Variants in RGS7 observed in about 807,000 individuals in gnomAD.
RGS7 encodes regulator of G-protein signaling 7.
Under a neutral mutation model 81.1 loss-of-function variants are expected in RGS7, and 27 were observed. That is an observed-to-expected ratio of 0.33 (90% CI 0.25 to 0.46). RGS7 has a LOEUF of 0.46. RGS7 is among the 20% of genes least tolerant of loss of function. The pLI is 1.00. For synonymous variants in RGS7, 208 were observed against 207.7 expected (o/e 1.00, Z -0.01); for missense variants, 396 against 607.4 (o/e 0.65, Z 3.66).
At chr1:241,297,688 AACC>A (rs1186282453) in intron 2 of RGS7, among the ~76,000 whole-genome samples, 1 of 152,352 alleles carries the variant, frequency 6.6e-6, no homozygotes, top group African/African-American at 2.4e-5. Context: ...TTCTGTGCTG[AACC>A]ATAGGTAGCT....
chr1:240,781,873 G>T (rs2102969503), intron 18 of RGS7, among the ~76,000 whole-genome samples: 1 of 152,188 alleles, frequency 6.6e-6, no homozygotes, highest in African/African-American at 2.4e-5. Flanking sequence ...AAATTAGCTG[G>T]GCATGGTGGC....
chr1:241,244,873 C>T (rs1282095465), intron 2 of RGS7, among the ~76,000 whole-genome samples: 2 of 150,160 alleles, frequency 1.3e-5, no homozygotes, highest in Middle Eastern at 3.4e-3. Context: ...AACCAAGCAC[C>T]GCATGTTCTC....
intron 3 of RGS7, among the ~76,000 whole-genome samples, chr1:241,054,583 G>A (rs2061395406): frequency 6.6e-6 from 1 of 152,140 alleles, no homozygotes; most frequent in South Asian, 2.1e-4. Flanking sequence ...ACTTCCATAT[G>A]TAATAGGTAA....
At chr1:241,329,542 T>C (rs1388036967) in intron 2 of RGS7, among the ~76,000 whole-genome samples, 2 of 152,156 alleles carry the variant, frequency 1.3e-5, no homozygotes, top group Non-Finnish European at 2.9e-5. Flanking sequence ...AAAGAGTTCT[T>C]CTTGTGATAA....
intron 4 of RGS7, among the ~76,000 whole-genome samples, chr1:240,978,648 AG>A (rs1314897644): frequency 6.6e-6 from 1 of 152,166 alleles, no homozygotes; most frequent in Non-Finnish European, 1.5e-5. Context: ...ATAATAATCG[AG>A]ATGTAGAAAA....
At chr1:241,063,672 T>TA (rs2061868677) in intron 3 of RGS7, among the ~76,000 whole-genome samples, 3 of 152,216 alleles carry the variant, frequency 2.0e-5, no homozygotes, top group Admixed American at 6.5e-5. Context: ...AACAATTCCT[T>TA]ACAATTATAA....
intron 9 of RGS7, among the ~76,000 whole-genome samples, chr1:240,864,284 T>C (rs1331826419): frequency 2.0e-5 from 3 of 152,222 alleles, no homozygotes; most frequent in Non-Finnish European, 4.4e-5. Context: ...ATGTATCCCA[T>C]GATCCATGTT....
chr1:240,860,688 G>A (rs977738417), intron 9 of RGS7, among the ~76,000 whole-genome samples: 6 of 152,092 alleles, frequency 3.9e-5, no homozygotes, highest in Admixed American at 3.9e-4. Flanking sequence ...ATAGAAGAAA[G>A]ACAAGAGACC....
intron 3 of RGS7, among the ~76,000 whole-genome samples, chr1:241,077,957 T>C (rs2062897148): frequency 6.6e-6 from 1 of 152,026 alleles, no homozygotes; most frequent in Non-Finnish European, 1.5e-5. Flanking sequence ...CGTCACATGA[T>C]GCTGAATTAC....
At chr1:241,234,273 G>A (rs530998285) in intron 2 of RGS7, among the ~76,000 whole-genome samples, 5 of 152,140 alleles carry the variant, frequency 3.3e-5, no homozygotes, top group South Asian at 2.1e-4. Flanking sequence ...GTTGTTTATC[G>A]ATATCCATCT....
chr1:241,159,291 C>T (rs1411271961), intron 2 of RGS7, among the ~76,000 whole-genome samples: 3 of 152,144 alleles, frequency 2.0e-5, no homozygotes, highest in African/African-American at 7.2e-5. Context: ...CTGTATCTCA[C>T]CCACCTGTCT....
At chr1:240,782,855 T>A (rs1684364866) in intron 18 of RGS7, among the ~76,000 whole-genome samples, 1 of 152,368 alleles carries the variant, frequency 6.6e-6, no homozygotes, top group African/African-American at 2.4e-5. Context: ...TACTTATTTT[T>A]AACCCAATGA....
intron 2 of RGS7, among the ~76,000 whole-genome samples, chr1:241,214,238 A>G (rs2074421071): frequency 6.6e-6 from 1 of 151,710 alleles, no homozygotes; most frequent in African/African-American, 2.4e-5. Flanking sequence ...TATTTATCTT[A>G]ATTTTTTTTA....
At chr1:241,300,225 A>AC (rs1252603376) in intron 2 of RGS7, among the ~76,000 whole-genome samples, 1 of 152,020 alleles carries the variant, frequency 6.6e-6, no homozygotes, top group Non-Finnish European at 1.5e-5. Context: ...CACTATCAAC[A>AC]CCCTGCATCT....
chr1:241,203,688 C>T (rs890922840), intron 2 of RGS7, among the ~76,000 whole-genome samples: 1 of 152,042 alleles, frequency 6.6e-6, no homozygotes, highest in Non-Finnish European at 1.5e-5. Flanking sequence ...TGACATAATC[C>T]CTGTCTCTTG....
intron 18 of RGS7, among the ~76,000 whole-genome samples, chr1:240,789,253 C>G (rs563883319): frequency 6.6e-6 from 1 of 152,128 alleles, no homozygotes; most frequent in Admixed American, 6.5e-5. Flanking sequence ...CTCTTAATCC[C>G]GTCATCTTCA....
chr1:240,909,831 A>G (rs1340990879), intron 6 of RGS7, among the ~76,000 whole-genome samples: 2 of 152,188 alleles, frequency 1.3e-5, no homozygotes, highest in Non-Finnish European at 2.9e-5. Context: ...CAAATGTTCT[A>G]GTACTTGAAG....
intron 2 of RGS7, among the ~76,000 whole-genome samples, chr1:241,131,348 A>G (rs550238126): frequency 1.3e-5 from 2 of 152,318 alleles, no homozygotes; most frequent in South Asian, 4.1e-4. Context: ...TAGTTTTCCA[A>G]CTTGAGTTTG....
At chr1:241,293,988 C>CA (rs2079241916) in intron 2 of RGS7, among the ~76,000 whole-genome samples, 1 of 152,174 alleles carries the variant, frequency 6.6e-6, no homozygotes, top group East Asian at 1.9e-4. Context: ...GACACATGCA[C>CA]TTGTATGTTT....
Sources: allele counts gnomAD v4.1 joint callset (sites outside exome capture counted in the v4.1 genomes callset), GRCh38; gene constraint gnomAD v4.1.1; transcripts MANE v1.5; gene names NCBI Gene and HGNC (gene_info 2026-07-23, HGNC 2026-07-21).